The following TNIK variants were observed in gnomAD, a reference collection of about 807,000 sequenced individuals.
TNIK encodes the protein TRAF2 and NCK-interacting protein kinase.
TNIK carries 49 observed loss-of-function variants against 191.3 expected under a neutral mutation model. The ratio of observed to expected loss-of-function variants is 0.26; its 90% CI spans 0.20 to 0.32. The LOEUF (loss-of-function observed/expected upper bound fraction) is 0.32, where lower values mean the gene tolerates loss of function less well. Ranked by LOEUF, TNIK falls within the 10% of genes least tolerant of loss-of-function variation. The probability of loss-of-function intolerance (pLI) is 1.00; values close to 1 mark genes in which losing one functional copy is unlikely to be tolerated. For synonymous variants in TNIK, 594 were observed against 600.9 expected, an observed-to-expected ratio of 0.99 and a Z score of 0.17; for missense variants, 1,155 against 1,702.3, an observed-to-expected ratio of 0.68 and a Z score of 5.66.
intron 16 of TNIK, among the ~76,000 whole-genome samples, 197 bp downstream of exon 16, chr3:171,128,517 G>C (rs976700093): frequency 5.9e-5 from 9 of 152,140 alleles, no homozygotes; most frequent in African/African-American, 1.9e-4. Flanking sequence ...TCAAGTTTAA[G>C]GGTGATGCTT....
chr3:171,248,239 A>AGGCAGG (rs1248988648), intron 2 of TNIK, among the ~76,000 whole-genome samples: 1 of 152,174 alleles, frequency 6.6e-6, no homozygotes, highest in African/African-American at 2.4e-5. Context: ...AGAACAATGA[A>AGGCAGG]GGCAGGGGCA....
chr3:171,272,596 C>A (rs770934518), intron 2 of TNIK, among the ~76,000 whole-genome samples: 8 of 152,180 alleles, frequency 5.3e-5, no homozygotes, highest in Non-Finnish European at 1.2e-4. Context: ...TTCACAGATT[C>A]TTTCTTCTAC....
intron 3 of TNIK, chr3:171,225,424 C>A: frequency 9.8e-6 from 3 of 305,320 alleles, no homozygotes; most frequent in South Asian, 2.7e-5. Context: ...CACAGAAAAA[C>A]TATCTAGCCC....
chr3:171,211,301 GTTC>G, intron 3 of TNIK, 60 bp from the exon 4 acceptor site: 1 of 1,534,702 alleles, frequency 6.5e-7, no homozygotes, highest in Non-Finnish European at 8.8e-7. Flanking sequence ...GTAGGATTCT[GTTC>G]TTCAACACCA....
At chr3:171,084,123 TAAAAAAA>T (rs371989911) in intron 26 of TNIK, 25 bp downstream of exon 26, 6 of 1,393,748 alleles carry the variant, frequency 4.3e-6, no homozygotes, top group Middle Eastern at 3.9e-4. Flanking sequence ...AGTGGTTATT[TAAAAAAA>T]AAAAAAAAAA....
At chr3:171,113,489 T>C (rs889470003) in intron 18 of TNIK, among the ~76,000 whole-genome samples, 2 of 151,810 alleles carry the variant, frequency 1.3e-5, no homozygotes, top group African/African-American at 2.4e-5. Flanking sequence ...GCCTGTATTC[T>C]CAGCTAGTTG....
chr3:171,235,388 T>TA (rs994584660), intron 2 of TNIK, among the ~76,000 whole-genome samples: 1 of 152,164 alleles, frequency 6.6e-6, no homozygotes, highest in East Asian at 1.9e-4. Context: ...CTAACCCCCC[T>TA]AGGTGTGGGG....
intron 2 of TNIK, among the ~76,000 whole-genome samples, chr3:171,267,953 T>C (rs564564319): frequency 6.6e-6 from 1 of 152,336 alleles, no homozygotes; most frequent in African/African-American, 2.4e-5. Context: ...GCCTTGCTGA[T>C]GGCCCCAGAG....
At chr3:171,194,327 G>T (rs561572798) in intron 5 of TNIK, among the ~76,000 whole-genome samples, 198 bp downstream of exon 5, 8 of 152,044 alleles carry the variant, frequency 5.3e-5, no homozygotes, top group Non-Finnish European at 1.2e-4. Context: ...CCAGAATGGC[G>T]CTCACTTCCA....
chr3:171,140,366 G>T (rs994784398), intron 13 of TNIK, 33 bp downstream of exon 13: 1 of 1,506,984 alleles, frequency 6.6e-7, no homozygotes, highest in Non-Finnish European at 8.9e-7. Flanking sequence ...GTCCCCGGGG[G>T]GCCATCAGTG....
chr3:171,200,884 C>T (rs59906653), intron 4 of TNIK, among the ~76,000 whole-genome samples: 40,958 of 151,992 alleles, frequency 0.27, 5,801 homozygotes, highest in East Asian at 0.5. Flanking sequence ...GATGTTATTT[C>T]ACAATTGCAG....
chr3:171,445,425 A>C (rs1727378323), intron 1 of TNIK, among the ~76,000 whole-genome samples: 1 of 151,940 alleles, frequency 6.6e-6, no homozygotes, highest in South Asian at 2.1e-4. Context: ...TCTCCAAAAA[A>C]AAAAAAAAAA....
intron 1 of TNIK, among the ~76,000 whole-genome samples, chr3:171,376,640 T>C (rs968914359): frequency 6.6e-6 from 1 of 152,116 alleles, no homozygotes; most frequent in Non-Finnish European, 1.5e-5. Context: ...ATCTGGAATA[T>C]AGCCCAGAAG....
chr3:171,388,733 A>C (rs550559833), intron 1 of TNIK, among the ~76,000 whole-genome samples: 2 of 152,222 alleles, frequency 1.3e-5, no homozygotes, highest in Admixed American at 1.3e-4. Flanking sequence ...GTGTACACAA[A>C]GCCCTTCCTA....
At chr3:171,278,049 C>T (rs996316673) in intron 2 of TNIK, among the ~76,000 whole-genome samples, 2 of 152,150 alleles carry the variant, frequency 1.3e-5, no homozygotes, top group African/African-American at 4.8e-5. Flanking sequence ...CACAACAAAA[C>T]AGGTTCTAAG....
intron 1 of TNIK, among the ~76,000 whole-genome samples, chr3:171,457,067 C>T (rs1728874316): frequency 6.6e-6 from 1 of 152,210 alleles, no homozygotes; most frequent in Admixed American, 6.5e-5. Context: ...ACAATTCCAG[C>T]CCATCCCTCA....
Position 171,145,088 on chromosome 3 carries a change from C to CT in TNIK, c.1222-4580dup, listed in dbSNP as rs71176594. On this transcript the variant is annotated intron_variant, in intron 12 of 32. Coordinates refer to ENST00000436636, the MANE Select transcript of TNIK (RefSeq NM_015028.4). ...AACAAAGGAGCACAGCTATCTCTCT[C>CT]TTTTTTTTTTTTTTTTGAGATGGAG... is the stretch of plus-strand genomic sequence containing the variant. Among the ~76,000 whole-genome samples the CT allele has an allele frequency of 7.5e-3, 996 of 132,642 alleles. 7 individuals are homozygous for CT. Among genetic ancestry groups the CT allele is most frequent in the East Asian group, 0.029 (134 of 4,654 alleles). The allele number at this position is 132,642 out of a possible 152,430, so 87.0% of individuals were successfully genotyped here.
At chr3:171,107,333 A>G in intron 20 of TNIK, 127 bp from the exon 21 acceptor site, 1 of 792,354 alleles carries the variant, frequency 1.3e-6, no homozygotes, top group South Asian at 1.8e-5. Context: ...GGCGAAGAGA[A>G]TGTCAATCCA....
chr3:171,277,741 G>A (rs1313935986), intron 2 of TNIK, among the ~76,000 whole-genome samples: 1 of 152,216 alleles, frequency 6.6e-6, no homozygotes. Flanking sequence ...TTGAGTAGTT[G>A]CAACAGAGAC....
Sources: allele counts gnomAD v4.1 joint callset (sites outside exome capture counted in the v4.1 genomes callset), GRCh38; gene constraint gnomAD v4.1.1; transcripts MANE v1.5; gene names NCBI Gene and HGNC (gene_info 2026-07-23, HGNC 2026-07-21).